RFC3: variants seen among roughly 807,000 people sequenced by gnomAD.
RFC3 encodes the protein A1 38 kDa subunit.
RFC3 carries 41 observed loss-of-function variants against 45.1 expected under a neutral mutation model. That is an observed-to-expected ratio of 0.91 (90% CI 0.71 to 1.18). The LOEUF (loss-of-function observed/expected upper bound fraction) is 1.18, where lower values mean the gene tolerates loss of function less well. Among genes scored for constraint, RFC3 ranks in the 50% most tolerant of loss-of-function variants. The probability of loss-of-function intolerance (pLI) is 0.00; values close to 1 mark genes in which losing one functional copy is unlikely to be tolerated. For synonymous variants in RFC3, 149 were observed against 144.0 expected, an observed-to-expected ratio of 1.03 and a Z score of -0.25; for missense variants, 423 against 428.1, an observed-to-expected ratio of 0.99 and a Z score of 0.10.
chr13:33,855,222 C>G (rs2082301454), intron 8 of RFC3, among the ~76,000 whole-genome samples: 1 of 152,088 alleles, frequency 6.6e-6, no homozygotes, highest in Non-Finnish European at 1.5e-5. Context: ...TTAGTGTGCA[C>G]AATAAACTTT....
intron 8 of RFC3, among the ~76,000 whole-genome samples, chr13:33,862,924 A>G (rs1365411719): frequency 6.6e-6 from 1 of 152,220 alleles, no homozygotes; most frequent in Non-Finnish European, 1.5e-5. Flanking sequence ...ATAGAATGGA[A>G]TTTACAAATT....
intron 8 of RFC3, among the ~76,000 whole-genome samples, chr13:33,919,555 A>G (rs2082754660): frequency 6.6e-6 from 1 of 152,160 alleles, no homozygotes; most frequent in African/African-American, 2.4e-5. Context: ...ATCACCTAGA[A>G]AAGTGAATAA....
At chr13:33,877,840 C>T (rs1191357017) in intron 8 of RFC3, among the ~76,000 whole-genome samples, 1 of 148,706 alleles carries the variant, frequency 6.7e-6, no homozygotes, top group African/African-American at 2.4e-5. Context: ...AGATTATAAA[C>T]ATTTCACTAT....
chr13:33,968,600 T>C (rs921546406), downstream of RFC3, among the ~76,000 whole-genome samples: 9 of 152,052 alleles, frequency 5.9e-5, no homozygotes, highest in Non-Finnish European at 1.3e-4. Flanking sequence ...TTTCCATGCA[T>C]GAAGTACTTA....
downstream of RFC3, among the ~76,000 whole-genome samples, chr13:33,838,166 A>G (rs560017023): frequency 3.3e-4 from 50 of 152,276 alleles, no homozygotes; most frequent in Middle Eastern, 3.4e-3. Context: ...ATATCTTGAT[A>G]TATTGACTCC....
chr13:33,917,048 A>G (rs1012385736), intron 8 of RFC3, among the ~76,000 whole-genome samples: 1 of 152,086 alleles, frequency 6.6e-6, no homozygotes, highest in Non-Finnish European at 1.5e-5. Context: ...AAACTTTAAA[A>G]CTCAGAAAAG....
At chr13:33,841,547 A>T (rs2139442407), downstream of RFC3, among the ~76,000 whole-genome samples, 1 of 152,316 alleles carries the variant, frequency 6.6e-6, no homozygotes, top group South Asian at 2.1e-4. Context: ...CTTATATAAT[A>T]ATACAGTATA....
chr13:33,946,653 A>G lies in RFC3; in HGVS notation c.880-19434A>G, dbSNP rs531474057. Among the ~76,000 whole-genome samples, 22 of 152,356 alleles carry G rather than the reference A, an allele frequency of 1.4e-4. No homozygotes were observed. The South Asian group carries it at 4.6e-3, about 32-fold the overall frequency. ...ATCTCTTTAATAATTACCCTAATAA[A>G]CAAATCTACTGCACATGCAGTTCAT... On this transcript the variant is annotated intron_variant, in intron 8 of 8. Coordinates refer to the RFC3 transcript ENST00000434425.
At chr13:33,927,722 G>C in intron 8 of RFC3, among the ~76,000 whole-genome samples, 1 of 152,138 alleles carries the variant, frequency 6.6e-6, no homozygotes, top group East Asian at 1.9e-4. Flanking sequence ...TGCAACTCTT[G>C]TAAATTCAGA....
At chr13:33,822,320 T>C (rs1415136605) in intron 2 of RFC3, among the ~76,000 whole-genome samples, 6 of 152,204 alleles carry the variant, frequency 3.9e-5, no homozygotes, top group Non-Finnish European at 8.8e-5. Context: ...TTAAATTATC[T>C]GTTTGCCCCA....
chr13:33,836,073 G>C (rs755766837), intron 8 of RFC3, 31 bp from the exon 9 acceptor site: 47 of 1,580,454 alleles, frequency 3.0e-5, no homozygotes, highest in Non-Finnish European at 3.9e-5. Flanking sequence ...TTTTATTAAT[G>C]ATTTTTAAAT....
intron 8 of RFC3, among the ~76,000 whole-genome samples, chr13:33,868,441 G>T (rs2082387412): frequency 6.6e-6 from 1 of 151,978 alleles, no homozygotes; most frequent in South Asian, 2.1e-4. Flanking sequence ...TACTAACTTT[G>T]CACCGCCTCA....
At chr13:33,861,594 G>A (rs1249193451) in intron 8 of RFC3, among the ~76,000 whole-genome samples, 4 of 150,302 alleles carry the variant, frequency 2.7e-5, no homozygotes, top group South Asian at 2.1e-4. Context: ...GCAGGGAGCC[G>A]AGATCATGCC....
At chr13:33,929,749 T>C (rs2137765823) in intron 8 of RFC3, among the ~76,000 whole-genome samples, 1 of 152,226 alleles carries the variant, frequency 6.6e-6, no homozygotes, top group South Asian at 2.1e-4. Context: ...TTCTGCATTT[T>C]CATAAGTAAT....
At chr13:33,957,269 A>T (rs1215568322) in intron 8 of RFC3, among the ~76,000 whole-genome samples, 1 of 152,130 alleles carries the variant, frequency 6.6e-6, no homozygotes, top group African/African-American at 2.4e-5. Context: ...TTTTCCCAGA[A>T]CCTCATTGGA....
chr13:33,829,884 C>T lies in RFC3; in HGVS notation c.440C>T (p.Ala147Val), dbSNP rs1181367191. ...VDKLTKDAQH[A>V]LRRTMEKYMS... The stretch of plus-strand genomic sequence containing the variant: ...AAACTCACCAAAGATGCTCAGCATG[C>T]CTTGCGAAGAACCATGGAAAAATAT... Residue 147 changes from alanine to valine, a missense_variant, in exon 5 of 9, where the codon GCC becomes GTC. Ala to Val is a moderately conservative substitution (Grantham distance 64). Coordinates refer to ENST00000380071, the MANE Select transcript of RFC3 (RefSeq NM_002915.4). 6.2e-7 allele frequency: 1 copy of T among 1,614,016 alleles called. No homozygotes were observed. Among genetic ancestry groups the T allele is most frequent in the Admixed American group, 1.7e-5 (1 of 60,016 alleles).
downstream of RFC3, among the ~76,000 whole-genome samples, chr13:33,838,548 GC>G (rs1330666273): frequency 2.0e-5 from 3 of 152,014 alleles, no homozygotes; most frequent in Non-Finnish European, 4.4e-5. Flanking sequence ...TACATAATGA[GC>G]CAATTTTCTT....
chr13:33,820,766 T>C (rs1295262671), intron 1 of RFC3, among the ~76,000 whole-genome samples: 1 of 152,136 alleles, frequency 6.6e-6, no homozygotes, highest in Non-Finnish European at 1.5e-5. Context: ...TCCTTTATTT[T>C]AAAAAGTTTT....
chr13:33,870,775 AT>A (rs1399190256), intron 8 of RFC3, among the ~76,000 whole-genome samples: 1 of 152,198 alleles, frequency 6.6e-6, no homozygotes, highest in Non-Finnish European at 1.5e-5. Flanking sequence ...TTCCAAAAAA[AT>A]CTTGTATACT....
Sources: allele counts gnomAD v4.1 joint callset (sites outside exome capture counted in the v4.1 genomes callset), GRCh38; gene constraint gnomAD v4.1.1; transcripts MANE v1.5; gene names NCBI Gene and HGNC (gene_info 2026-07-23, HGNC 2026-07-21).